THADA: variants seen among roughly 807,000 people sequenced by gnomAD.
THADA encodes tRNA (32-2'-O)-methyltransferase regulator THADA.
A neutral mutation model predicts 219.8 loss-of-function variants in THADA; 213 were observed. That is an observed-to-expected ratio of 0.97 (90% CI 0.87 to 1.09). The LOEUF is 1.09. Among genes scored for constraint, THADA ranks in the 50% least tolerant of loss-of-function variants. The pLI, the probability that THADA is intolerant of heterozygous loss-of-function variation, is 0.00. For synonymous variants in THADA, 1,018 were observed against 828.9 expected, an observed-to-expected ratio of 1.23 and a Z score of -3.92; for missense variants, 2,956 against 2,311.3, an observed-to-expected ratio of 1.28 and a Z score of -5.72.
chr2:43,262,364 C>A lies in THADA; in HGVS notation c.5296+17401G>T, dbSNP rs79171210. ...ATGAGCTAGCTAATGCTTCTGGCAA[C>A]CATCATGGATGAAGAGGTGACCTTG... On this transcript the variant is annotated intron_variant, in intron 36 of 37. Transcript: ENST00000405975. Among the ~76,000 whole-genome samples the A allele has an allele frequency of 5.0e-3, 756 of 152,256 alleles. 4 individuals carry two copies. The highest frequency in any genetic ancestry group is 0.017 in the African/African-American group (705 of 41,540).
intron 36 of THADA, among the ~76,000 whole-genome samples, chr2:43,248,152 T>TAG (rs1669376237): frequency 1.1e-5 from 1 of 89,416 alleles, no homozygotes; most frequent in Admixed American, 1.2e-4. Flanking sequence ...TATATATATA[T>TAG]ATATATATAT....
intron 29 of THADA, among the ~76,000 whole-genome samples, chr2:43,384,439 G>T (rs1176106507): frequency 1.3e-5 from 2 of 152,128 alleles, no homozygotes; most frequent in Non-Finnish European, 2.9e-5. Context: ...GGTGTGGATT[G>T]TAATTACATT....
At chr2:43,288,947 T>A (rs910173870) in intron 34 of THADA, among the ~76,000 whole-genome samples, 2 of 152,182 alleles carry the variant, frequency 1.3e-5, no homozygotes, top group African/African-American at 4.8e-5. Context: ...ATCTATCACT[T>A]CCCTATCCTC....
chr2:43,467,138 C>G (rs372632438), intron 26 of THADA, among the ~76,000 whole-genome samples: 20 of 132,268 alleles, frequency 1.5e-4, no homozygotes, highest in African/African-American at 5.2e-4. Flanking sequence ...GCCGAGATCG[C>G]GCCACTGCAC....
rs773783241 is a variant in THADA, at chr2:43,344,157, A to G, written c.4308T>C (p.Thr1436=). The G allele has an allele frequency of 2.5e-6, 4 of 1,611,978 alleles. No individual in the cohort carries two copies. The highest frequency in any genetic ancestry group is 1.1e-5 in the South Asian group (1 of 90,280). The change falls in exon 30 of 38, where the codon ACT becomes ACC. Residue 1436 remains threonine (T), a synonymous_variant. Transcript: ENST00000405975. ...SDFQHELTDI[T]VCTKAKLWLA... is the part of the protein sequence containing the mutation. ...GCCAGAGTTTGGCTTTGGTACAAAC[A>G]GTGATGTCAGTCAGCTCGTGCTGGA...
In THADA at chr2:43,563,728, T is replaced by C. The variant is rs1366812009; in HGVS notation, c.2311+2970A>G. ...TAAGAAAGATGCATGCAACTTATTCTTCCTGGTCTAGGAAAGGCAGAAACC... is the reference window on the plus strand; with the variant it reads ...TAAGAAAGATGCATGCAACTTATTCCTCCTGGTCTAGGAAAGGCAGAAACC... On this transcript the variant is annotated intron_variant, in intron 15 of 37. Coordinates refer to ENST00000405975, the MANE Select transcript of THADA (RefSeq NM_022065.5). 7 of 152,348 alleles carry C rather than the reference T, an allele frequency of 4.6e-5. No homozygotes were observed. In the South Asian group the frequency reaches 1.5e-3, roughly 32 times the overall value. The allele number at this position is 152,348 out of a possible 1,614,324, so 9.4% of individuals were successfully genotyped here. A position where few individuals can be genotyped will look rare whatever the true frequency, so the allele number is the denominator to read the frequency against.
At chr2:43,456,488 C>A (rs924749967) in intron 26 of THADA, among the ~76,000 whole-genome samples, 1 of 151,938 alleles carries the variant, frequency 6.6e-6, no homozygotes, top group African/African-American at 2.4e-5. Flanking sequence ...CAGAGGAATA[C>A]CACACAGTGG....
chr2:43,586,309 G>C, intron 7 of THADA, 92 bp downstream of exon 7: 1 of 1,062,696 alleles, frequency 9.4e-7, no homozygotes, highest in Non-Finnish European at 1.3e-6. Context: ...GGGATGAAAA[G>C]ATCACATTCT....
chr2:43,379,211 G>C (rs1422784693), intron 29 of THADA, among the ~76,000 whole-genome samples: 3 of 151,978 alleles, frequency 2.0e-5, no homozygotes, highest in Non-Finnish European at 1.5e-5. Flanking sequence ...GAGAAAATAA[G>C]GATAATATCT....
intron 26 of THADA, among the ~76,000 whole-genome samples, chr2:43,482,964 G>A (rs1172508470): frequency 6.6e-6 from 1 of 152,098 alleles, no homozygotes. Context: ...TGGATAAGGG[G>A]GCCTATTAAG....
chr2:43,303,279 A>T (rs6735790), intron 31 of THADA, among the ~76,000 whole-genome samples: 4,530 of 152,198 alleles, frequency 0.03, 241 homozygotes, highest in African/African-American at 0.1. Context: ...TAGGTTGGAG[A>T]TTCCAGTGTA....
chr2:43,240,619 T>G (rs958652006), intron 36 of THADA, among the ~76,000 whole-genome samples: 2 of 152,054 alleles, frequency 1.3e-5, no homozygotes, highest in African/African-American at 4.8e-5. Context: ...ACTCTGTGAG[T>G]ACATTCATGG....
intron 9 of THADA, among the ~76,000 whole-genome samples, chr2:43,577,875 A>T (rs574907320): frequency 6.6e-5 from 10 of 152,164 alleles, no homozygotes; most frequent in Admixed American, 2.6e-4. Context: ...ATACATTGAT[A>T]TGCATAATTT....
At chr2:43,435,451 TGGAAGGAAGGGA>T (rs995871008) in intron 26 of THADA, among the ~76,000 whole-genome samples, 11 of 108,466 alleles carry the variant, frequency 1.0e-4, no homozygotes, top group Non-Finnish European at 1.4e-4. Context: ...AAGAGACTCC[TGGAAGGAAGGGA>T]GGAAGGAAGG....
chr2:43,481,528 C>G (rs1410287603), intron 26 of THADA, among the ~76,000 whole-genome samples: 1 of 152,148 alleles, frequency 6.6e-6, no homozygotes, highest in African/African-American at 2.4e-5. Context: ...ATACTACTTC[C>G]CCCCAACATA....
intron 36 of THADA, among the ~76,000 whole-genome samples, chr2:43,275,377 T>C (rs1672614941): frequency 6.6e-6 from 1 of 152,136 alleles, no homozygotes; most frequent in Non-Finnish European, 1.5e-5. Flanking sequence ...TGGCCAATAG[T>C]GGCTGAAGCC....
chr2:43,307,376 T>C (rs115288596), intron 31 of THADA, among the ~76,000 whole-genome samples: 2,079 of 151,800 alleles, frequency 0.014, 40 homozygotes, highest in African/African-American at 0.048. Context: ...TGGAGATCTG[T>C]AGACCAAGGG....
intron 26 of THADA, among the ~76,000 whole-genome samples, chr2:43,457,719 T>C (rs1270062513): frequency 6.6e-6 from 1 of 152,172 alleles, no homozygotes; most frequent in African/African-American, 2.4e-5. Context: ...CCCACAAATA[T>C]TTTCTAACAC....
intron 36 of THADA, chr2:43,233,521 T>A (rs2104009353): frequency 6.6e-6 from 1 of 152,352 alleles, no homozygotes. Context: ...TAAAAACCAT[T>A]GATAGCTCAT....
Sources: allele counts gnomAD v4.1 joint callset (sites outside exome capture counted in the v4.1 genomes callset), GRCh38; gene constraint gnomAD v4.1.1; transcripts MANE v1.5; gene names NCBI Gene and HGNC (gene_info 2026-07-23, HGNC 2026-07-21).